The following ADGRG6 variants were observed in gnomAD, a reference collection of about 807,000 sequenced individuals.
ADGRG6 encodes adhesion G protein-coupled receptor G6, also known as G-protein coupled receptor 126.
A neutral mutation model predicts 142.4 loss-of-function variants in ADGRG6; 84 were observed. The observed-to-expected ratio is 0.59, with a 90% confidence interval of 0.49 to 0.71. ADGRG6 has a LOEUF of 0.71. Among genes scored for constraint, ADGRG6 ranks in the 30% least tolerant of loss-of-function variants. ADGRG6 has a pLI of 0.00. For synonymous variants in ADGRG6, 521 were observed against 520.5 expected, an observed-to-expected ratio of 1.00 and a Z score of -0.01; for missense variants, 1,367 against 1,466.6, an observed-to-expected ratio of 0.93 and a Z score of 1.11.
chr6:142,405,801 T>C lies in ADGRG6; in HGVS notation c.2241T>C (p.Thr747=). The part of the protein sequence containing the change: ...DSVLVRRAQF[T]FFNKTGLFQD... ...TATTAGTTAGAAGAGCACAGTTTACTTTCTTCAACAAAACTGGACTTTTCC... is the reference window on the plus strand; with the variant it reads ...TATTAGTTAGAAGAGCACAGTTTACCTTCTTCAACAAAACTGGACTTTTCC... The change falls in exon 15 of 25, where the codon ACT becomes ACC. Residue 747 remains threonine, a synonymous_variant. Transcript: ENST00000367609. 1 of 1,604,518 alleles carries C rather than the reference T, an allele frequency of 6.2e-7. No individual in the cohort carries two copies. Among genetic ancestry groups the C allele is most frequent in the African/African-American group, 1.3e-5 (1 of 74,784 alleles).
At chr6:142,342,206 GA>G (rs992400780) in intron 2 of ADGRG6, among the ~76,000 whole-genome samples, 29 of 150,626 alleles carry the variant, frequency 1.9e-4, no homozygotes, top group African/African-American at 6.6e-4. Context: ...TAACTGAATG[GA>G]AAAAAAAATT....
intron 24 of ADGRG6, among the ~76,000 whole-genome samples, chr6:142,441,890 G>T (rs1376321888): frequency 6.6e-6 from 1 of 152,144 alleles, no homozygotes; most frequent in Non-Finnish European, 1.5e-5. Context: ...AAATGCTTCA[G>T]TTGTTCCACC....
chr6:142,423,442 C>T (rs1414772036), intron 22 of ADGRG6, among the ~76,000 whole-genome samples: 2 of 152,068 alleles, frequency 1.3e-5, no homozygotes, highest in African/African-American at 2.4e-5. Flanking sequence ...TTCCCCATTG[C>T]TTGTTTTTCT....
chr6:142,352,474 G>A (rs1389072126), intron 2 of ADGRG6, among the ~76,000 whole-genome samples: 7 of 152,098 alleles, frequency 4.6e-5, no homozygotes, highest in African/African-American at 1.7e-4. Context: ...GAGTGGGGAG[G>A]ATGGAAAGAG....
At chr6:142,383,426 G>C (rs1781866278) in intron 5 of ADGRG6, among the ~76,000 whole-genome samples, 1 of 152,118 alleles carries the variant, frequency 6.6e-6, no homozygotes, top group Non-Finnish European at 1.5e-5. Flanking sequence ...AGGAAACCAA[G>C]TTCTAGAAGG....
intron 2 of ADGRG6, among the ~76,000 whole-genome samples, chr6:142,311,096 A>G (rs1318713983): frequency 6.6e-6 from 1 of 151,874 alleles, no homozygotes; most frequent in African/African-American, 2.4e-5. Context: ...AATGAAGCAC[A>G]TGTTTTTAGG....
chr6:142,331,730 G>T (rs549548822), intron 2 of ADGRG6, among the ~76,000 whole-genome samples: 1 of 151,942 alleles, frequency 6.6e-6, no homozygotes, highest in South Asian at 2.1e-4. Context: ...TTTTGTAAAC[G>T]CTCTTTTTTT....
intron 2 of ADGRG6, among the ~76,000 whole-genome samples, chr6:142,320,828 GTGAA>G (rs1299332978): frequency 6.6e-6 from 1 of 151,948 alleles, no homozygotes; most frequent in East Asian, 1.9e-4. Context: ...AAAGGATCCT[GTGAA>G]TTAATTTCTT....
intron 14 of ADGRG6, 77 bp from the exon 15 acceptor site, chr6:142,405,611 C>A: frequency 8.4e-7 from 1 of 1,193,146 alleles, no homozygotes; most frequent in Non-Finnish European, 1.2e-6. Flanking sequence ...GTTCACTCGC[C>A]TAACTATACA....
chr6:142,335,093 C>T lies in ADGRG6; in HGVS notation c.103+25449C>T, dbSNP rs138814933. 1.4e-3 allele frequency among the ~76,000 whole-genome samples: 206 copies of T among 152,234 alleles called. 2 individuals carry two copies. The highest frequency in any genetic ancestry group is 4.6e-3 in the African/African-American group (193 of 41,548). On this transcript the variant is annotated intron_variant, in intron 2 of 24. Transcript: ENST00000367609. The stretch of plus-strand genomic sequence containing the variant: ...AGTGCAGTAGTAAGAAAGCAAAAGA[C>T]GTGTTTAAAGAGCTACAGGCAAATA...
intron 24 of ADGRG6, 95 bp from the exon 25 acceptor site, chr6:142,443,239 GTTC>G (rs1451354407): frequency 5.3e-5 from 35 of 665,238 alleles, no homozygotes; most frequent in Admixed American, 2.8e-4. Context: ...ATTTTCTTTT[GTTC>G]TTCTTTAATG....
At chr6:142,412,073 TAAAC>T (rs1205276915) in intron 18 of ADGRG6, among the ~76,000 whole-genome samples, 1 of 152,194 alleles carries the variant, frequency 6.6e-6, no homozygotes, top group Non-Finnish European at 1.5e-5. Context: ...CAAACAGTTT[TAAAC>T]AAAATTAGAT....
In ADGRG6 at chr6:142,405,784, A is replaced by G. The variant is rs1239668119; in HGVS notation, c.2224A>G (p.Arg742Gly). 1 of 1,607,130 alleles carries G rather than the reference A, an allele frequency of 6.2e-7. No individual in the cohort carries two copies. The highest frequency in any genetic ancestry group is 1.1e-5 in the South Asian group (1 of 90,226). Reference protein sequence around the residue: ...NLSPEDSVLVRRAQFTFFNKT... With the variant: ...NLSPEDSVLVGRAQFTFFNKT... ...AAGTCCAGAAGATTCTGTATTAGTTAGAAGAGCACAGTTTACTTTCTTCAA... is the reference window on the plus strand; with the variant it reads ...AAGTCCAGAAGATTCTGTATTAGTTGGAAGAGCACAGTTTACTTTCTTCAA... Residue 742 changes from arginine (R) to glycine (G), a missense_variant, in exon 15 of 25, where the codon AGA becomes GGA. Transcript: ENST00000367609.
chr6:142,368,891 A>G (rs1223963121), intron 3 of ADGRG6, among the ~76,000 whole-genome samples: 2 of 152,178 alleles, frequency 1.3e-5, no homozygotes, highest in Non-Finnish European at 2.9e-5. Flanking sequence ...AACCACTAAT[A>G]AAATGTTGAT....
intron 2 of ADGRG6, 99 bp from the exon 3 acceptor site, chr6:142,367,470 T>C: frequency 1.4e-6 from 1 of 718,324 alleles, no homozygotes; most frequent in Non-Finnish European, 2.3e-6. Flanking sequence ...TATTTTTAAA[T>C]ATTTACTGCT....
chr6:142,334,120 C>T (rs1346297462), intron 2 of ADGRG6, among the ~76,000 whole-genome samples: 1 of 151,964 alleles, frequency 6.6e-6, no homozygotes, highest in Non-Finnish European at 1.5e-5. Flanking sequence ...CAAGGTTTAC[C>T]CCAAGATATG....
chr6:142,419,331 A>G (rs1776538516), intron 21 of ADGRG6, among the ~76,000 whole-genome samples: 2 of 152,174 alleles, frequency 1.3e-5, no homozygotes, highest in Admixed American at 1.3e-4. Context: ...AGCAGGAAGA[A>G]GGAATAAGGA....
At chr6:142,347,766 C>T (rs1248993896) in intron 2 of ADGRG6, among the ~76,000 whole-genome samples, 1 of 152,102 alleles carries the variant, frequency 6.6e-6, no homozygotes, top group African/African-American at 2.4e-5. Flanking sequence ...TGTCTCAGTG[C>T]AAAAGAGTTA....
At chr6:142,326,970 C>T (rs545679546) in intron 2 of ADGRG6, among the ~76,000 whole-genome samples, 5 of 151,880 alleles carry the variant, frequency 3.3e-5, no homozygotes, top group African/African-American at 4.8e-5. Context: ...ATCCAGAAAA[C>T]GTTTAGTACA....
Sources: gnomAD v4.1 joint callset for allele counts (sites outside exome capture counted in the v4.1 genomes callset) on GRCh38, gnomAD v4.1.1 for gene constraint, MANE v1.5 for transcripts, NCBI Gene and HGNC (gene_info 2026-07-23, HGNC 2026-07-21) for gene names.